Variants in LCLAT1 observed in about 807,000 individuals in gnomAD.
LCLAT1 encodes the protein 1-AGP acyltransferase 8.
LCLAT1 carries 11 observed loss-of-function variants against 30.7 expected under a neutral mutation model. The ratio of observed to expected loss-of-function variants is 0.36; its 90% CI spans 0.23 to 0.59. The LOEUF (loss-of-function observed/expected upper bound fraction) is 0.59. Among genes scored for constraint, LCLAT1 ranks in the 20% least tolerant of loss-of-function variants. The pLI is 0.77. For missense variants in LCLAT1, 402 were observed against 458.6 expected (o/e 0.88, Z 1.13); for synonymous variants, 155 against 151.3 (o/e 1.02, Z -0.18).
chr2:30,528,961 G>A (rs1056810379), intron 2 of LCLAT1, among the ~76,000 whole-genome samples: 4 of 152,110 alleles, frequency 2.6e-5, no homozygotes, highest in Non-Finnish European at 4.4e-5. Context: ...GAACCATCAA[G>A]GGTGTCTTTT....
intron 4 of LCLAT1, among the ~76,000 whole-genome samples, chr2:30,564,357 A>G (rs1342531058): frequency 6.6e-6 from 1 of 152,186 alleles, no homozygotes; most frequent in African/African-American, 2.4e-5. Flanking sequence ...GTCATATGTT[A>G]CTGCTACATT....
chr2:30,496,976 G>A (rs575493905), intron 1 of LCLAT1, among the ~76,000 whole-genome samples: 122 of 152,270 alleles, frequency 8.0e-4, no homozygotes, highest in African/African-American at 2.8e-3. Context: ...AGCTTTCATA[G>A]CCTTTATTAC....
At chr2:30,580,611 A>C (rs753980947) in intron 5 of LCLAT1, among the ~76,000 whole-genome samples, 3 of 152,150 alleles carry the variant, frequency 2.0e-5, no homozygotes, top group Non-Finnish European at 2.9e-5. Flanking sequence ...TCAAGGATGA[A>C]TAGAAGAGTT....
intron 1 of LCLAT1, among the ~76,000 whole-genome samples, chr2:30,470,026 C>A (rs1682696614): frequency 6.6e-6 from 1 of 152,122 alleles, no homozygotes; most frequent in Non-Finnish European, 1.5e-5. Flanking sequence ...TCACCACGCC[C>A]AGCAAGAATC....
At chr2:30,565,895 G>T (rs1243689726) in intron 4 of LCLAT1, among the ~76,000 whole-genome samples, 1 of 152,152 alleles carries the variant, frequency 6.6e-6, no homozygotes, top group Admixed American at 6.6e-5. Context: ...AAGCAGAAAA[G>T]CGTGCAGCTG....
At chr2:30,561,189 C>G (rs566827547) in intron 3 of LCLAT1, among the ~76,000 whole-genome samples, 1 of 151,912 alleles carries the variant, frequency 6.6e-6, no homozygotes, top group Admixed American at 6.5e-5. Flanking sequence ...GTGATTCACC[C>G]GCCTCAGCCT....
intron 1 of LCLAT1, among the ~76,000 whole-genome samples, chr2:30,503,165 C>A (rs113788927): frequency 6.6e-6 from 1 of 152,074 alleles, no homozygotes; most frequent in East Asian, 1.9e-4. Context: ...ACTGTCGTGG[C>A]GCTGGTGGGA....
At chr2:30,514,081 T>C (rs1277696050) in intron 1 of LCLAT1, among the ~76,000 whole-genome samples, 1 of 152,258 alleles carries the variant, frequency 6.6e-6, no homozygotes, top group African/African-American at 2.4e-5. Context: ...TCCTTGGTTA[T>C]AGGTTCTCTT....
At chr2:30,593,935 A>AT (rs1251638081) in intron 5 of LCLAT1, among the ~76,000 whole-genome samples, 2 of 151,604 alleles carry the variant, frequency 1.3e-5, no homozygotes, top group African/African-American at 4.8e-5. Context: ...AAAAAAAAAA[A>AT]AAAGACATGT....
intron 1 of LCLAT1, among the ~76,000 whole-genome samples, chr2:30,502,031 T>C (rs1467397535): frequency 6.6e-6 from 1 of 152,228 alleles, no homozygotes; most frequent in African/African-American, 2.4e-5. Flanking sequence ...TGGGATATTT[T>C]TTGTTAATAT....
In LCLAT1 at chr2:30,618,408, A is replaced by G. The variant is rs535442782; in HGVS notation, c.629-21709A>G. On this transcript the variant is annotated intron_variant, in intron 5 of 5. Coordinates refer to ENST00000379509, the MANE Select transcript of LCLAT1 (RefSeq NM_001002257.3). The stretch of plus-strand genomic sequence containing the variant: ...AGTCTATGAACATAGTATATCTCCC[A>G]TTTATATGGGTCTTTCTCTCAGTCA... Among the ~76,000 whole-genome samples the G allele has an allele frequency of 1.9e-4, 29 of 152,204 alleles. 1 individual carries two copies. The highest frequency in any genetic ancestry group is 1.6e-3 in the Admixed American group (25 of 15,274).
At chr2:30,590,922 A>G (rs181424987) in intron 5 of LCLAT1, among the ~76,000 whole-genome samples, 46 of 152,312 alleles carry the variant, frequency 3.0e-4, no homozygotes, top group Non-Finnish European at 5.4e-4. Flanking sequence ...ATGATTTGTA[A>G]CATCAAAGCT....
chr2:30,500,937 A>G (rs1045503681), intron 1 of LCLAT1, among the ~76,000 whole-genome samples: 2 of 152,122 alleles, frequency 1.3e-5, no homozygotes, highest in Non-Finnish European at 2.9e-5. Flanking sequence ...GAGAACTGAA[A>G]CTTACCAAAT....
rs1681293901 is a variant in LCLAT1, at chr2:30,447,295, G to GTTGCC, written c.-93_-92insTTGCC. On this transcript the variant is annotated 5_prime_UTR_variant, in exon 1 of 6. Transcript: ENST00000379509. ...CGCGTTACGGGATGAATTAACGGCG[G>GTTGCC]GTTCCGCACGGAGGTTGTGACCCCT... 6.6e-6 allele frequency: 1 copy of GTTGCC among 151,896 alleles called. No homozygotes were observed. Among genetic ancestry groups the GTTGCC allele is most frequent in the South Asian group, 2.1e-4 (1 of 4,814 alleles). 9.4% of individuals were successfully genotyped at this position (151,896 alleles called of 1,614,324 possible). A position where few individuals can be genotyped will look rare whatever the true frequency, so the allele number is the denominator to read the frequency against.
chr2:30,545,676 G>C (rs1664370893), intron 3 of LCLAT1, among the ~76,000 whole-genome samples: 1 of 152,170 alleles, frequency 6.6e-6, no homozygotes, highest in Non-Finnish European at 1.5e-5. Flanking sequence ...AACTGTCTCT[G>C]ATGGTGGTGC....
chr2:30,516,135 T>G (rs114591063), intron 1 of LCLAT1, among the ~76,000 whole-genome samples: 7,773 of 152,248 alleles, frequency 0.051, 303 homozygotes, highest in Non-Finnish European at 0.078. Context: ...GAAATAGTCA[T>G]CTATCGCCTG....
intron 5 of LCLAT1, among the ~76,000 whole-genome samples, chr2:30,632,662 T>C (rs1187354163): frequency 6.6e-6 from 1 of 152,230 alleles, no homozygotes; most frequent in Non-Finnish European, 1.5e-5. Flanking sequence ...AAGAACAACC[T>C]GTGAAGAGTA....
intron 4 of LCLAT1, among the ~76,000 whole-genome samples, chr2:30,566,947 G>T (rs914937759): frequency 1.3e-5 from 2 of 152,176 alleles, no homozygotes; most frequent in Non-Finnish European, 2.9e-5. Flanking sequence ...TGCCCATTTT[G>T]TTATGGAGCG....
At chr2:30,522,193 A>G (rs1685509628) in intron 1 of LCLAT1, among the ~76,000 whole-genome samples, 1 of 152,096 alleles carries the variant, frequency 6.6e-6, no homozygotes, top group Non-Finnish European at 1.5e-5. Flanking sequence ...ATACATTTTC[A>G]TTTGTCTTGG....
Sources: gnomAD v4.1 joint callset for allele counts (sites outside exome capture counted in the v4.1 genomes callset) on GRCh38, gnomAD v4.1.1 for gene constraint, MANE v1.5 for transcripts, NCBI Gene and HGNC (gene_info 2026-07-23, HGNC 2026-07-21) for gene names.